The following UBE2H variants were observed in gnomAD, a reference collection of about 807,000 sequenced individuals.
The protein encoded by UBE2H is ubiquitin conjugating enzyme E2 H.
A neutral mutation model predicts 29.0 loss-of-function variants in UBE2H; 3 were observed. The ratio of observed to expected loss-of-function variants is 0.10; its 90% CI spans 0.05 to 0.27. The LOEUF is 0.27. Ranked by LOEUF, UBE2H falls within the 10% of genes least tolerant of loss-of-function variation. UBE2H has a pLI of 1.00. For missense variants in UBE2H, 68 were observed against 228.2 expected (o/e 0.30, Z 4.52); for synonymous variants, 69 against 82.9 (o/e 0.83, Z 0.91).
intron 5 of UBE2H, among the ~76,000 whole-genome samples, chr7:129,846,932 G>A (rs909192080): frequency 6.6e-6 from 1 of 152,086 alleles, no homozygotes; most frequent in African/African-American, 2.4e-5. Flanking sequence ...CCTGCACAGC[G>A]GCTCAAATTC....
intron 3 of UBE2H, among the ~76,000 whole-genome samples, chr7:129,873,195 T>G (rs945875219): frequency 5.9e-5 from 9 of 151,726 alleles, no homozygotes; most frequent in Admixed American, 2.6e-4. Flanking sequence ...ATTTTTTGTA[T>G]TTTTTAGTAG....
chr7:129,848,781 C>A (rs1478575625), intron 5 of UBE2H, among the ~76,000 whole-genome samples: 2 of 149,852 alleles, frequency 1.3e-5, no homozygotes, highest in African/African-American at 4.9e-5. Flanking sequence ...ATTCATTCCA[C>A]AATTATTTTT....
intron 1 of UBE2H, among the ~76,000 whole-genome samples, chr7:129,893,031 AT>A (rs1222616220): frequency 2.0e-5 from 3 of 152,222 alleles, no homozygotes; most frequent in Admixed American, 2.0e-4. Context: ...AAGCAAAAAA[AT>A]ATCTGGCAAC....
At chr7:129,921,965 T>C (rs757510930) in intron 1 of UBE2H, among the ~76,000 whole-genome samples, 16 of 152,154 alleles carry the variant, frequency 1.1e-4, no homozygotes, top group Non-Finnish European at 1.5e-4. Flanking sequence ...ACTGTGTTTA[T>C]GTAAGAAAAG....
At chr7:129,864,710 C>T (rs1330929046) in intron 3 of UBE2H, among the ~76,000 whole-genome samples, 1 of 151,868 alleles carries the variant, frequency 6.6e-6, no homozygotes, top group African/African-American at 2.4e-5. Flanking sequence ...CACCACCACA[C>T]CCAGCTAATT....
At chr7:129,866,539 A>G (rs543445964) in intron 3 of UBE2H, among the ~76,000 whole-genome samples, 2 of 152,330 alleles carry the variant, frequency 1.3e-5, no homozygotes, top group South Asian at 4.1e-4. Context: ...AATACAGTAC[A>G]GAATACATTG....
intron 1 of UBE2H, among the ~76,000 whole-genome samples, chr7:129,919,100 T>TAAAAAAAA (rs1204331286): frequency 8.3e-5 from 6 of 72,170 alleles, no homozygotes; most frequent in African/African-American, 1.3e-4. Flanking sequence ...AAAAACAAAG[T>TAAAAAAAA]AAAAAAAAAA....
At chr7:129,839,443 G>T in intron 5 of UBE2H, 108 bp from the exon 6 acceptor site, 1 of 1,475,612 alleles carries the variant, frequency 6.8e-7, no homozygotes, top group South Asian at 1.2e-5. Context: ...ACACGGGGAT[G>T]ATTCTCCATA....
At chr7:129,886,008 G>T (rs1381259218) in intron 1 of UBE2H, among the ~76,000 whole-genome samples, 1 of 152,164 alleles carries the variant, frequency 6.6e-6, no homozygotes, top group Non-Finnish European at 1.5e-5. Context: ...AATAATGATC[G>T]ATTTCTGGAT....
intron 1 of UBE2H, among the ~76,000 whole-genome samples, chr7:129,939,966 A>AAAG (rs1554441537): frequency 7.2e-5 from 11 of 151,980 alleles, no homozygotes; most frequent in African/African-American, 2.2e-4. Context: ...CTCAAAAAAA[A>AAAG]AAAGAAAGAA....
At chr7:129,839,045 C>T (rs754863474) in intron 6 of UBE2H, among the ~76,000 whole-genome samples, 162 bp downstream of exon 6, 2 of 152,088 alleles carry the variant, frequency 1.3e-5, no homozygotes, top group African/African-American at 2.4e-5. Flanking sequence ...ACTGGTGCTA[C>T]TGCCACCCGA....
At chr7:129,849,110 A>G (rs1480111860) in intron 5 of UBE2H, among the ~76,000 whole-genome samples, 3 of 152,128 alleles carry the variant, frequency 2.0e-5, no homozygotes, top group African/African-American at 7.2e-5. Context: ...AAAAACCTAT[A>G]AAGAGTCCTA....
chr7:129,859,932 C>T (rs936854249), intron 3 of UBE2H, among the ~76,000 whole-genome samples: 5 of 152,128 alleles, frequency 3.3e-5, no homozygotes, highest in African/African-American at 4.8e-5. Flanking sequence ...GCACCTACAC[C>T]GCAGGCATTG....
At chr7:129,861,111 G>C (rs1342475595) in intron 3 of UBE2H, among the ~76,000 whole-genome samples, 3 of 152,124 alleles carry the variant, frequency 2.0e-5, no homozygotes, top group Middle Eastern at 3.4e-3. Flanking sequence ...TGTAGTCCCA[G>C]CTACTCGGGA....
chr7:129,910,825 T>A (rs371655136), intron 1 of UBE2H, among the ~76,000 whole-genome samples: 1 of 151,940 alleles, frequency 6.6e-6, no homozygotes, highest in Non-Finnish European at 1.5e-5. Flanking sequence ...GAGGTTGCAG[T>A]GAGCAGAGAG....
intron 1 of UBE2H, among the ~76,000 whole-genome samples, chr7:129,909,786 C>T (rs142035654): frequency 7.3e-4 from 111 of 152,176 alleles, no homozygotes; most frequent in African/African-American, 2.4e-3. Flanking sequence ...AGCCCAGACG[C>T]AATACAAACA....
At chr7:129,918,899 A>G (rs1807097456) in intron 1 of UBE2H, among the ~76,000 whole-genome samples, 1 of 152,076 alleles carries the variant, frequency 6.6e-6, no homozygotes, top group Non-Finnish European at 1.5e-5. Flanking sequence ...CCTGGGCAAC[A>G]TGGTGAAACC....
chr7:129,911,146 C>T (rs543000498), intron 1 of UBE2H, among the ~76,000 whole-genome samples: 70 of 152,044 alleles, frequency 4.6e-4, no homozygotes, highest in Non-Finnish European at 9.0e-4. Context: ...GCGCAGATCA[C>T]AGGGTCAGGA....
intron 1 of UBE2H, among the ~76,000 whole-genome samples, chr7:129,927,475 G>T (rs1190230260): frequency 6.6e-6 from 1 of 152,188 alleles, no homozygotes; most frequent in African/African-American, 2.4e-5. Context: ...TGGAGGCAGA[G>T]GTTGCAGTGA....
Sources: allele counts gnomAD v4.1 joint callset (sites outside exome capture counted in the v4.1 genomes callset), GRCh38; gene constraint gnomAD v4.1.1; transcripts MANE v1.5; gene names NCBI Gene and HGNC (gene_info 2026-07-23, HGNC 2026-07-21).